MUCL1: variants seen among roughly 807,000 people sequenced by gnomAD.
MUCL1 encodes mucin like 1, also known as mucin-like protein 1.
Under a neutral mutation model 9.2 loss-of-function variants are expected in MUCL1, and 11 were observed. The observed-to-expected ratio is 1.19, with a 90% CI of 0.75 to 1.97. The LOEUF (loss-of-function observed/expected upper bound fraction) is 1.97, where lower values mean the gene tolerates loss of function less well. Among genes scored for constraint, MUCL1 ranks in the 30% most tolerant of loss-of-function variants. The pLI, the probability that MUCL1 is intolerant of heterozygous loss-of-function variation, is 0.00. For synonymous variants in MUCL1, 48 were observed against 40.5 expected (o/e 1.19, Z -0.71); for missense variants, 144 against 110.9 (o/e 1.30, Z -1.34).
chr12:54,832,378 T>C (rs184183906), intron 1 of MUCL1, among the ~76,000 whole-genome samples: 143 of 152,242 alleles, frequency 9.4e-4, no homozygotes, highest in South Asian at 3.9e-3. Context: ...ATAATCTGCC[T>C]GGGAAACCAA....
At chr12:54,842,020 ATTTT>A (rs1959214939) in intron 1 of MUCL1, among the ~76,000 whole-genome samples, 1 of 152,080 alleles carries the variant, frequency 6.6e-6, no homozygotes, top group African/African-American at 2.4e-5. Flanking sequence ...GTGGCTTTGA[ATTTT>A]AATATAGAAA....
At chr12:54,833,115 T>G (rs1437259072) in intron 1 of MUCL1, among the ~76,000 whole-genome samples, 1 of 152,132 alleles carries the variant, frequency 6.6e-6, no homozygotes, top group Admixed American at 6.6e-5. Flanking sequence ...TGACTTTCCT[T>G]AGAGCTGTCC....
At chr12:54,839,717 C>T (rs932435532) in intron 1 of MUCL1, among the ~76,000 whole-genome samples, 2 of 152,124 alleles carry the variant, frequency 1.3e-5, no homozygotes, top group African/African-American at 2.4e-5. Flanking sequence ...CTTGTGGAAG[C>T]CTGAACCTGG....
chr12:54,854,350 A>G (rs76969159), upstream of MUCL1, among the ~76,000 whole-genome samples: 5,032 of 152,256 alleles, frequency 0.033, 278 homozygotes, highest in African/African-American at 0.12. Flanking sequence ...AGCCAGAACC[A>G]ATGATTTGAA....
Position 54,856,858 on chromosome 12 carries a change from C to G in MUCL1, c.189C>G (p.Thr63=). ...CTGCTGCTCCTACCACTGCAACCACCGCTGCTTCTACCACTGCTCGTAAAG... is the reference window on the plus strand; with the variant it reads ...CTGCTGCTCCTACCACTGCAACCACGGCTGCTTCTACCACTGCTCGTAAAG... ...ATTAAPTTAT[T]AASTTARKDI... The change falls in exon 3 of 4, where the codon ACC becomes ACG. Residue 63 remains threonine, a synonymous_variant. Transcript: ENST00000308796. 6.2e-7 allele frequency: 1 copy of G among 1,612,904 alleles called. No individual in the cohort carries two copies.
At chr12:54,851,639 G>T (rs188922417), upstream of MUCL1, among the ~76,000 whole-genome samples, 39 of 152,306 alleles carry the variant, frequency 2.6e-4, no homozygotes, top group African/African-American at 9.4e-4. Flanking sequence ...ATTCAACGTA[G>T]TGTTGGAAGT....
intron 1 of MUCL1, among the ~76,000 whole-genome samples, chr12:54,846,257 G>C (rs1411394845): frequency 3.3e-5 from 5 of 152,130 alleles, no homozygotes; most frequent in Admixed American, 3.3e-4. Context: ...GGCTTCAGGA[G>C]TCACAGACAC....
At chr12:54,832,178 G>A (rs779049949) in intron 1 of MUCL1, among the ~76,000 whole-genome samples, 1 of 152,078 alleles carries the variant, frequency 6.6e-6, no homozygotes, top group African/African-American at 2.4e-5. Flanking sequence ...TGAAATTTAT[G>A]TGTAGTCAAG....
chr12:54,856,201 G>A (rs1465571505), intron 2 of MUCL1, among the ~76,000 whole-genome samples: 2 of 152,160 alleles, frequency 1.3e-5, no homozygotes, highest in African/African-American at 4.8e-5. Context: ...CAGAGTCCAA[G>A]CTGCCACAGA....
At chr12:54,855,501 G>A (rs1361988877) in intron 2 of MUCL1, 5 of 269,304 alleles carry the variant, frequency 1.9e-5, no homozygotes, top group Admixed American at 9.2e-5. Flanking sequence ...TGAATATATA[G>A]CCAGTGTCAA....
At chr12:54,842,283 CATAT>C (rs557743828) in intron 1 of MUCL1, among the ~76,000 whole-genome samples, 1 of 150,226 alleles carries the variant, frequency 6.7e-6, no homozygotes. Context: ...TTGTTTGCTG[CATAT>C]ATATATATAT....
intron 1 of MUCL1, among the ~76,000 whole-genome samples, chr12:54,842,080 G>A (rs1031510806): frequency 6.6e-6 from 1 of 152,004 alleles, no homozygotes; most frequent in African/African-American, 2.4e-5. Context: ...TACAATTTAT[G>A]CAATTGCCTT....
intron 1 of MUCL1, among the ~76,000 whole-genome samples, chr12:54,840,203 A>C (rs2135940566): frequency 6.6e-6 from 1 of 152,320 alleles, no homozygotes; most frequent in East Asian, 1.9e-4. Context: ...TACCAGGACC[A>C]GTTCTGATGG....
intron 1 of MUCL1, among the ~76,000 whole-genome samples, chr12:54,831,432 G>A (rs959745587): frequency 1.3e-5 from 2 of 152,030 alleles, no homozygotes; most frequent in African/African-American, 4.8e-5. Flanking sequence ...TGGGTAATCA[G>A]CATTAAGTAT....
At chr12:54,837,411 C>T (rs1396963042), upstream of MUCL1, among the ~76,000 whole-genome samples, 1 of 152,052 alleles carries the variant, frequency 6.6e-6, no homozygotes, top group Admixed American at 6.6e-5. Context: ...GCTACTCCTG[C>T]TTGCTTTTGG....
upstream of MUCL1, among the ~76,000 whole-genome samples, chr12:54,835,099 T>C (rs961307812): frequency 6.6e-6 from 1 of 152,242 alleles, no homozygotes; most frequent in African/African-American, 2.4e-5. Flanking sequence ...TTCTCTTTTA[T>C]GGCTGAGTAG....
intron 1 of MUCL1, among the ~76,000 whole-genome samples, 165 bp from the exon 2 acceptor site, chr12:54,854,951 T>C (rs1459139734): frequency 1.3e-5 from 2 of 152,168 alleles, no homozygotes; most frequent in African/African-American, 4.8e-5. Flanking sequence ...TTTATTGGTT[T>C]TCATGGGTTT....
At chr12:54,850,053 C>T (rs1307056406), upstream of MUCL1, among the ~76,000 whole-genome samples, 1 of 152,170 alleles carries the variant, frequency 6.6e-6, no homozygotes, top group Non-Finnish European at 1.5e-5. Flanking sequence ...GCTGCTTCTC[C>T]AATGAGTTCT....
intron 2 of MUCL1, among the ~76,000 whole-genome samples, chr12:54,856,486 C>G (rs1419625633): frequency 1.3e-5 from 2 of 152,166 alleles, no homozygotes; most frequent in Non-Finnish European, 2.9e-5. Flanking sequence ...ACACTCGTGG[C>G]CTTGGTCTTT....
Sources: allele counts gnomAD v4.1 joint callset (sites outside exome capture counted in the v4.1 genomes callset), GRCh38; gene constraint gnomAD v4.1.1; transcripts MANE v1.5; gene names NCBI Gene and HGNC (gene_info 2026-07-23, HGNC 2026-07-21).